The following TCERG1L variants were observed in gnomAD, a reference collection of about 807,000 sequenced individuals.
TCERG1L encodes transcription elongation regulator 1-like protein.
A neutral mutation model predicts 56.3 loss-of-function variants in TCERG1L; 37 were observed. The ratio of observed to expected loss-of-function variants is 0.66; its 90% CI spans 0.51 to 0.87. The LOEUF (loss-of-function observed/expected upper bound fraction) is 0.87, where lower values mean the gene tolerates loss of function less well. Ranked by LOEUF, TCERG1L falls within the 40% of genes least tolerant of loss-of-function variation. The pLI, the probability that TCERG1L is intolerant of heterozygous loss-of-function variation, is 0.00. For synonymous variants in TCERG1L, 324 were observed against 326.3 expected, an observed-to-expected ratio of 0.99 and a Z score of 0.08; for missense variants, 799 against 774.2, an observed-to-expected ratio of 1.03 and a Z score of -0.38.
chr10:131,190,454 A>G (rs996608881), intron 4 of TCERG1L, among the ~76,000 whole-genome samples: 1 of 145,860 alleles, frequency 6.9e-6, no homozygotes, highest in African/African-American at 2.6e-5. Flanking sequence ...CCAAAAAAGG[A>G]AAGGATATAA....
At chr10:131,132,570 C>T (rs1206109970) in intron 8 of TCERG1L, among the ~76,000 whole-genome samples, 1 of 152,246 alleles carries the variant, frequency 6.6e-6, no homozygotes, top group Admixed American at 6.5e-5. Context: ...TGGCCACATT[C>T]CACGTTTCCT....
intron 8 of TCERG1L, among the ~76,000 whole-genome samples, chr10:131,121,463 G>T (rs989486755): frequency 6.6e-6 from 1 of 152,232 alleles, no homozygotes; most frequent in Non-Finnish European, 1.5e-5. Context: ...TCATCCTGAT[G>T]AAATATTTAA....
At chr10:131,222,247 G>A (rs1845741771) in intron 4 of TCERG1L, among the ~76,000 whole-genome samples, 1 of 152,224 alleles carries the variant, frequency 6.6e-6, no homozygotes, top group South Asian at 2.1e-4. Context: ...TGCATACTCA[G>A]GCATCCTGAG....
intron 4 of TCERG1L, among the ~76,000 whole-genome samples, chr10:131,251,310 CG>C (rs1343169777): frequency 1.3e-5 from 2 of 150,364 alleles, no homozygotes; most frequent in African/African-American, 4.9e-5. Context: ...CCCCTCCCCC[CG>C]GCCCCTCCTC....
intron 4 of TCERG1L, among the ~76,000 whole-genome samples, chr10:131,224,430 A>T (rs542267646): frequency 6.6e-6 from 1 of 152,138 alleles, no homozygotes; most frequent in South Asian, 2.1e-4. Flanking sequence ...TTTACCCACT[A>T]AAGTAGCTTT....
Position 131,166,837 on chromosome 10 carries a change from A to T in TCERG1L, c.905T>A (p.Leu302Gln). Residue 302 changes from leucine (L) to glutamine (Q), a missense_variant, in exon 5 of 12, where the codon CTG becomes CAG. Coordinates refer to ENST00000368642, the MANE Select transcript of TCERG1L (RefSeq NM_174937.4). Reference protein sequence around the residue: ...GRVARPPALMLRAQKSRDGDK... With the variant: ...GRVARPPALMQRAQKSRDGDK... The stretch of plus-strand genomic sequence containing the variant: ...TCCATCCCGGCTCTTCTGGGCCCGC[A>T]GCATCAGGGCAGGAGGGCGGGCCAC... 6.2e-7 allele frequency: 1 copy of T among 1,613,786 alleles called. No individual in the cohort carries two copies. Among genetic ancestry groups the T allele is most frequent in the Non-Finnish European group, 8.5e-7 (1 of 1,179,896 alleles).
At chr10:131,252,591 C>A (rs1162009817) in intron 4 of TCERG1L, among the ~76,000 whole-genome samples, 1 of 152,148 alleles carries the variant, frequency 6.6e-6, no homozygotes, top group Non-Finnish European at 1.5e-5. Context: ...CCGGAAGACT[C>A]TCCAGTGTGA....
intron 4 of TCERG1L, among the ~76,000 whole-genome samples, chr10:131,257,005 GAAA>G (rs1846177627): frequency 8.7e-6 from 1 of 114,358 alleles, no homozygotes; most frequent in Non-Finnish European, 1.9e-5. Flanking sequence ...AAGAAAGAAA[GAAA>G]GAAAGAAAGA....
At chr10:131,227,931 T>G (rs61861222) in intron 4 of TCERG1L, among the ~76,000 whole-genome samples, 58,633 of 151,086 alleles carry the variant, frequency 0.39, 11,522 homozygotes, top group East Asian at 0.52. Flanking sequence ...GGCATCTTCC[T>G]GCTCCCTGGC....
At chr10:131,283,928 G>A (rs1846492029) in intron 3 of TCERG1L, among the ~76,000 whole-genome samples, 2 of 151,946 alleles carry the variant, frequency 1.3e-5, no homozygotes, top group African/African-American at 4.8e-5. Context: ...TTCGAGACCA[G>A]GCTGGCCAAC....
At chr10:131,129,271 A>C (rs938585756) in intron 8 of TCERG1L, among the ~76,000 whole-genome samples, 8 of 152,226 alleles carry the variant, frequency 5.3e-5, no homozygotes, top group Non-Finnish European at 1.0e-4. Flanking sequence ...TGATAATGTT[A>C]AGGAATTATT....
intron 6 of TCERG1L, among the ~76,000 whole-genome samples, chr10:131,147,344 T>A (rs12098583): frequency 0.05 from 7,541 of 152,140 alleles, 252 homozygotes; most frequent in South Asian, 0.19. Flanking sequence ...AGAAAATTAA[T>A]GAGAGGGAAG....
Position 131,309,093 on chromosome 10 carries a change from G to A in TCERG1L, c.489+60C>T, listed in dbSNP as rs902121489. On this transcript the variant is annotated intron_variant, in intron 2 of 11. Transcript: ENST00000368642. ...ACATGGGTATTTTTGTTGTTATGTC[G>A]ATGTTCGACAACTTAATCATTAAAA... 29 of 1,557,906 alleles carry A rather than the reference G, an allele frequency of 1.9e-5. 1 individual carries two copies. The African/African-American group carries it at 2.2e-4, about 12-fold the overall frequency.
intron 4 of TCERG1L, among the ~76,000 whole-genome samples, chr10:131,251,984 C>T (rs1046481377): frequency 2.0e-5 from 3 of 152,170 alleles, no homozygotes; most frequent in Non-Finnish European, 2.9e-5. Context: ...ACTATCTGTC[C>T]CTGTGAATCC....
At chr10:131,273,701 G>C (rs1004320350) in intron 3 of TCERG1L, among the ~76,000 whole-genome samples, 3 of 152,098 alleles carry the variant, frequency 2.0e-5, no homozygotes, top group African/African-American at 7.2e-5. Context: ...CCCCATCTTC[G>C]CAGTGGGTGG....
At chr10:131,258,002 G>T (rs1846191733) in intron 4 of TCERG1L, among the ~76,000 whole-genome samples, 1 of 152,252 alleles carries the variant, frequency 6.6e-6, no homozygotes, top group Non-Finnish European at 1.5e-5. Context: ...AAACTTTGGA[G>T]TGAGCTGTGT....
chr10:131,170,840 A>G (rs1174047793), intron 4 of TCERG1L, among the ~76,000 whole-genome samples: 8 of 152,140 alleles, frequency 5.3e-5, no homozygotes, highest in Non-Finnish European at 1.2e-4. Context: ...CCGGGCAACA[A>G]AATATCTCTT....
intron 4 of TCERG1L, among the ~76,000 whole-genome samples, chr10:131,236,029 C>T (rs1845908460): frequency 6.6e-6 from 1 of 152,220 alleles, no homozygotes; most frequent in African/African-American, 2.4e-5. Context: ...AATTACATTA[C>T]ATTTAGGCTC....
At chr10:131,219,152 G>C (rs1023116312) in intron 4 of TCERG1L, among the ~76,000 whole-genome samples, 2 of 152,130 alleles carry the variant, frequency 1.3e-5, no homozygotes, top group Non-Finnish European at 2.9e-5. Flanking sequence ...GGCCCTCCCT[G>C]GCCTGGCTCT....
Sources: gnomAD v4.1 joint callset for allele counts (sites outside exome capture counted in the v4.1 genomes callset) on GRCh38, gnomAD v4.1.1 for gene constraint, MANE v1.5 for transcripts, NCBI Gene and HGNC (gene_info 2026-07-23, HGNC 2026-07-21) for gene names.